The following NEDD4 variants were observed in gnomAD, a reference collection of about 807,000 sequenced individuals.
NEDD4 encodes E3 ubiquitin-protein ligase NEDD4.
NEDD4 carries 99 observed loss-of-function variants against 144.9 expected under a neutral mutation model. The ratio of observed to expected loss-of-function variants is 0.68; its 90% CI spans 0.58 to 0.81. The LOEUF (loss-of-function observed/expected upper bound fraction) is 0.81. Among genes scored for constraint, NEDD4 ranks in the 30% least tolerant of loss-of-function variants. The probability of loss-of-function intolerance (pLI) is 0.00; values close to 1 mark genes in which losing one functional copy is unlikely to be tolerated. For missense variants in NEDD4, 985 were observed against 1,065.9 expected (o/e 0.92, Z 1.06); for synonymous variants, 318 against 350.6 (o/e 0.91, Z 1.04).
At chr15:55,940,116 C>G (rs920434745) in intron 4 of NEDD4, among the ~76,000 whole-genome samples, 1 of 152,062 alleles carries the variant, frequency 6.6e-6, no homozygotes, top group South Asian at 2.1e-4. Context: ...CCCAGAAGAA[C>G]AAATACTGAC....
In NEDD4 at chr15:55,837,750, T is replaced by C. The variant is rs186476617; in HGVS notation, c.2262+39A>G. 3.4e-5 allele frequency: 50 copies of C among 1,491,134 alleles called. No homozygotes were observed. In the African/African-American group the frequency reaches 6.6e-4, roughly 20 times the overall value. The allele number at this position is 1,491,134 out of a possible 1,614,324, so 92.4% of individuals were successfully genotyped here. A position where few individuals can be genotyped will look rare whatever the true frequency, so the allele number is the denominator to read the frequency against. ...AATATTTGAAACTTATAGGTTATAC[T>C]GTGACATTATGGAAGAGCAAATAAA... is the stretch of plus-strand genomic sequence containing the variant. On this transcript the variant is annotated intron_variant, in intron 24 of 28. Transcript: ENST00000435532.
chr15:55,989,411 C>G (rs1452883935), intron 1 of NEDD4, among the ~76,000 whole-genome samples: 3 of 152,180 alleles, frequency 2.0e-5, no homozygotes, highest in Non-Finnish European at 2.9e-5. Context: ...ACTAATACAG[C>G]TGCTGCTTAA....
chr15:55,887,016 T>C (rs931925998), intron 5 of NEDD4, among the ~76,000 whole-genome samples: 6 of 151,492 alleles, frequency 4.0e-5, no homozygotes, highest in Admixed American at 6.6e-5. Flanking sequence ...GGAAAGTTTA[T>C]AGCTAACAGT....
intron 2 of NEDD4, among the ~76,000 whole-genome samples, chr15:55,961,862 A>C (rs1595877422): frequency 6.6e-6 from 1 of 152,332 alleles, no homozygotes; most frequent in East Asian, 1.9e-4. Flanking sequence ...AAAAGAATGT[A>C]CATTTGAAAA....
At chr15:55,941,785 C>A (rs1196262288) in intron 4 of NEDD4, among the ~76,000 whole-genome samples, 4 of 152,036 alleles carry the variant, frequency 2.6e-5, no homozygotes, top group Non-Finnish European at 5.9e-5. Flanking sequence ...ATTGGTCAGG[C>A]TTGTCTCAAA....
At chr15:55,908,377 T>C (rs1332857369) in intron 5 of NEDD4, among the ~76,000 whole-genome samples, 2 of 152,218 alleles carry the variant, frequency 1.3e-5, no homozygotes, top group Non-Finnish European at 2.9e-5. Flanking sequence ...AACTTTTTTT[T>C]CTGCTGCATG....
At chr15:55,876,722 T>G (rs1325860834) in intron 5 of NEDD4, among the ~76,000 whole-genome samples, 3 of 152,092 alleles carry the variant, frequency 2.0e-5, no homozygotes, top group Admixed American at 6.5e-5. Flanking sequence ...CCATATAAAT[T>G]ATGACAAACT....
At chr15:55,869,736 C>A in intron 7 of NEDD4, 55 bp from the exon 8 acceptor site, 2 of 1,164,996 alleles carry the variant, frequency 1.7e-6, no homozygotes, top group South Asian at 2.7e-5. Flanking sequence ...GAAAAGTATT[C>A]AATTAATAAG....
rs2032784564 is a variant in NEDD4 at position 55,828,287 on chromosome 15, G to C, written c.*1610C>G. The C allele has an allele frequency of 2.0e-5, 3 of 152,002 alleles. No homozygotes were observed. The highest frequency in any genetic ancestry group is 7.3e-5 in the African/African-American group (3 of 41,372). 9.4% of individuals were successfully genotyped at this position (152,002 alleles called of 1,614,324 possible). On this transcript the variant is annotated 3_prime_UTR_variant, in exon 29 of 29. Coordinates refer to ENST00000435532, the MANE Select transcript of NEDD4 (RefSeq NM_006154.4). The stretch of plus-strand genomic sequence containing the variant: ...AGGTACTTTTTACAGTTCTCACAGG[G>C]TGTGTATATATATATATTTAAGAAG...
intron 5 of NEDD4, among the ~76,000 whole-genome samples, chr15:55,923,659 A>AAAAAT (rs546642962): frequency 0.016 from 2,168 of 135,116 alleles, 33 homozygotes; most frequent in East Asian, 0.072. Flanking sequence ...AAAAAAAAAA[A>AAAAAT]ATATATATAT....
At chr15:55,944,763 G>A (rs1289841020) in intron 4 of NEDD4, among the ~76,000 whole-genome samples, 13 of 152,146 alleles carry the variant, frequency 8.5e-5, no homozygotes, top group African/African-American at 3.1e-4. Flanking sequence ...ATACAGGCAG[G>A]TGCCCCTCTG....
chr15:55,888,404 G>A (rs1299189070), intron 5 of NEDD4, among the ~76,000 whole-genome samples: 14 of 151,980 alleles, frequency 9.2e-5, no homozygotes, highest in Non-Finnish European at 4.4e-5. Context: ...AATTACCTAG[G>A]AATTAACCAA....
At chr15:55,870,408 C>T (rs1030102093) in intron 7 of NEDD4, among the ~76,000 whole-genome samples, 2 of 152,044 alleles carry the variant, frequency 1.3e-5, no homozygotes, top group African/African-American at 4.8e-5. Context: ...TATTGTATCA[C>T]CTTTTTGAAT....
intron 4 of NEDD4, among the ~76,000 whole-genome samples, chr15:55,949,189 C>T (rs2037183035): frequency 6.6e-6 from 1 of 152,178 alleles, no homozygotes. Context: ...AGCCAAAAAA[C>T]ACATGTAAAA....
intron 12 of NEDD4, among the ~76,000 whole-genome samples, chr15:55,852,928 T>G (rs1270441949): frequency 6.6e-6 from 1 of 151,880 alleles, no homozygotes; most frequent in Non-Finnish European, 1.5e-5. Context: ...TTTTTTATTT[T>G]TAGTATCAAC....
intron 2 of NEDD4, among the ~76,000 whole-genome samples, chr15:55,960,686 C>A (rs542908869): frequency 4.7e-4 from 71 of 152,190 alleles, no homozygotes; most frequent in Non-Finnish European, 9.0e-4. Context: ...CCTATTAGTT[C>A]TGTCCCCCTA....
chr15:55,916,802 T>C, intron 5 of NEDD4: 5 of 1,608,442 alleles, frequency 3.1e-6, no homozygotes, highest in Non-Finnish European at 4.3e-6. Context: ...TTCTTCTGGC[T>C]GCAAAGTGCA....
At chr15:55,915,598 A>G (rs1217966807) in intron 5 of NEDD4, 1 of 1,613,858 alleles carries the variant, frequency 6.2e-7, no homozygotes, top group East Asian at 2.2e-5. Context: ...AGCTTAATAT[A>G]CTCTGAATCA....
chr15:55,973,202 G>A (rs2037640916), intron 1 of NEDD4, among the ~76,000 whole-genome samples: 1 of 152,198 alleles, frequency 6.6e-6, no homozygotes, highest in Non-Finnish European at 1.5e-5. Context: ...CTGGCATATG[G>A]ATCATTCTCA....
Sources: allele counts gnomAD v4.1 joint callset (sites outside exome capture counted in the v4.1 genomes callset), GRCh38; gene constraint gnomAD v4.1.1; transcripts MANE v1.5; gene names NCBI Gene and HGNC (gene_info 2026-07-23, HGNC 2026-07-21).